Variants in GRK5 observed in about 807,000 individuals in gnomAD.
GRK5 encodes G protein-coupled receptor kinase 5.
In GRK5, 40 loss-of-function variants were observed where a neutral mutation model predicts 78.4. The observed-to-expected ratio is 0.51, with a 90% CI of 0.40 to 0.66. GRK5 has a LOEUF of 0.66. Among genes scored for constraint, GRK5 ranks in the 30% least tolerant of loss-of-function variants. GRK5 has a pLI of 0.00. For synonymous variants in GRK5, 289 were observed against 296.8 expected (o/e 0.97, Z 0.27); for missense variants, 598 against 759.9 (o/e 0.79, Z 2.50).
intron 1 of GRK5, among the ~76,000 whole-genome samples, chr10:119,316,147 C>T (rs1208632665): frequency 1.3e-5 from 2 of 152,178 alleles, no homozygotes; most frequent in Admixed American, 6.5e-5. Context: ...TGGCCCCAAC[C>T]CAGGGGCTTC....
At chr10:119,310,311 T>C (rs1722370474) in intron 1 of GRK5, among the ~76,000 whole-genome samples, 1 of 152,232 alleles carries the variant, frequency 6.6e-6, no homozygotes, top group South Asian at 2.1e-4. Flanking sequence ...GTGGCTGACC[T>C]ACGACTGCCA....
At chr10:119,296,439 A>G (rs1427451626) in intron 1 of GRK5, among the ~76,000 whole-genome samples, 2 of 152,206 alleles carry the variant, frequency 1.3e-5, no homozygotes, top group East Asian at 3.8e-4. Flanking sequence ...AGGGAGAGGA[A>G]CCACTGGCTG....
At chr10:119,260,983 C>G (rs1343130003) in intron 1 of GRK5, among the ~76,000 whole-genome samples, 9 of 144,558 alleles carry the variant, frequency 6.2e-5, no homozygotes, top group African/African-American at 2.0e-4. Flanking sequence ...TAGGGGCGGC[C>G]GGGCAGAGGC....
intron 1 of GRK5, among the ~76,000 whole-genome samples, chr10:119,280,333 C>G (rs1387670729): frequency 6.6e-6 from 1 of 152,228 alleles, no homozygotes; most frequent in African/African-American, 2.4e-5. Context: ...AGCCTGTGCA[C>G]TGTCACACTT....
At chr10:119,367,568 G>T (rs1851468772) in intron 2 of GRK5, among the ~76,000 whole-genome samples, 2 of 152,242 alleles carry the variant, frequency 1.3e-5, no homozygotes, top group Admixed American at 6.5e-5. Flanking sequence ...CTGTATCTAA[G>T]ACTCTAAGAG....
chr10:119,399,919 C>T (rs1480243514), intron 4 of GRK5, among the ~76,000 whole-genome samples: 2 of 152,184 alleles, frequency 1.3e-5, no homozygotes, highest in African/African-American at 4.8e-5. Context: ...TACCTTGTGG[C>T]CTTTGTTCAG....
chr10:119,394,711 G>A (rs1453155129), intron 3 of GRK5, among the ~76,000 whole-genome samples: 12 of 55,138 alleles, frequency 2.2e-4, no homozygotes, highest in African/African-American at 5.7e-4. Flanking sequence ...GTGTATCTGT[G>A]TGTGTGGGGG....
In GRK5 at chr10:119,459,285, A is replaced by C. The variant is rs943138289; in HGVS notation, c.*4218A>C. The stretch of plus-strand genomic sequence containing the variant: ...CAGCTGTTGAAGCTCAGCGTGTGCA[A>C]GTCAGACCCTGCACAGGCCGGGGGT... On this transcript the variant is annotated 3_prime_UTR_variant, in exon 16 of 16. Coordinates refer to ENST00000392870, the MANE Select transcript of GRK5 (RefSeq NM_005308.3). 3 of 152,216 alleles carry C rather than the reference A, an allele frequency of 2.0e-5. No individual in the cohort carries two copies. Among genetic ancestry groups the C allele is most frequent in the African/African-American group, 7.2e-5 (3 of 41,422 alleles). The allele number at this position is 152,216 out of a possible 1,614,324, so 9.4% of individuals were successfully genotyped here. A position where few individuals can be genotyped will look rare whatever the true frequency, so the allele number is the denominator to read the frequency against.
intron 1 of GRK5, among the ~76,000 whole-genome samples, chr10:119,244,246 A>T (rs1849070322): frequency 6.6e-6 from 1 of 152,294 alleles, no homozygotes. Flanking sequence ...CATCCCCTTG[A>T]TATAAACATG....
At chr10:119,350,734 CA>C (rs1458854244) in intron 2 of GRK5, among the ~76,000 whole-genome samples, 63 of 152,316 alleles carry the variant, frequency 4.1e-4, no homozygotes, top group Non-Finnish European at 2.9e-5. Context: ...CCCATTACAG[CA>C]AAAGCTGTTT....
chr10:119,257,488 C>T (rs10886433), intron 1 of GRK5, among the ~76,000 whole-genome samples: 16 of 152,228 alleles, frequency 1.1e-4, no homozygotes, highest in East Asian at 3.9e-4. Flanking sequence ...CTTTGGAAGG[C>T]GGAGGTGGGT....
intron 10 of GRK5, among the ~76,000 whole-genome samples, chr10:119,440,600 G>C (rs530024272): frequency 1.7e-4 from 26 of 150,866 alleles, no homozygotes; most frequent in African/African-American, 5.8e-4. Context: ...GCCCAGGCTG[G>C]AGTGCAGTGG....
intron 4 of GRK5, among the ~76,000 whole-genome samples, chr10:119,398,418 C>T (rs983327065): frequency 3.4e-5 from 5 of 149,090 alleles, no homozygotes; most frequent in Non-Finnish European, 5.9e-5. Context: ...ACGAGATTGC[C>T]CTATTTACAG....
At chr10:119,333,524 G>GGA (rs1850820490) in intron 2 of GRK5, 1 of 308,790 alleles carries the variant, frequency 3.2e-6, no homozygotes, top group Non-Finnish European at 6.4e-6. Flanking sequence ...GGCTTCAAGG[G>GGA]GAGAGTGACC....
In GRK5 at chr10:119,243,146, A is replaced by G. The variant is rs1044092236; in HGVS notation, c.52+35177A>G. ...CAACTACTCAGGAGGCTGAGACAGGAGAATTGCTTGAACCTGGGAGGTGGA... is the reference window on the plus strand; with the variant it reads ...CAACTACTCAGGAGGCTGAGACAGGGGAATTGCTTGAACCTGGGAGGTGGA... On this transcript the variant is annotated intron_variant, in intron 1 of 15. Transcript: ENST00000392870. Among the ~76,000 whole-genome samples, 74 of 152,306 alleles carry G rather than the reference A, an allele frequency of 4.9e-4. 1 individual carries two copies. Among genetic ancestry groups the G allele is most frequent in the Non-Finnish European group, 2.4e-4 (16 of 68,034 alleles).
intron 1 of GRK5, among the ~76,000 whole-genome samples, chr10:119,219,847 G>A (rs1935218999): frequency 6.6e-6 from 1 of 152,154 alleles, no homozygotes. Context: ...GTTTCATGCC[G>A]ATAACACTCA....
chr10:119,459,571 T>C lies in GRK5; in HGVS notation c.*4504T>C, dbSNP rs1386518142. The stretch of plus-strand genomic sequence containing the variant: ...GCTTTCTAATTTTTTTCAGGGAGAT[T>C]TGGACATTAATGAATGGAAACTTCC... On this transcript the variant is annotated 3_prime_UTR_variant, in exon 16 of 16. Coordinates refer to ENST00000392870, the MANE Select transcript of GRK5 (RefSeq NM_005308.3). 6.6e-6 allele frequency: 1 copy of C among 152,186 alleles called. No individual in the cohort carries two copies. Among genetic ancestry groups the C allele is most frequent in the Non-Finnish European group, 1.5e-5 (1 of 68,030 alleles). 9.4% of individuals were successfully genotyped at this position (152,186 alleles called of 1,614,324 possible).
intron 1 of GRK5, among the ~76,000 whole-genome samples, chr10:119,315,385 C>T (rs1035361834): frequency 2.0e-5 from 3 of 152,232 alleles, no homozygotes; most frequent in African/African-American, 7.2e-5. Context: ...TGAGAAGCCA[C>T]ATGCCCACCT....
chr10:119,207,954 C>T lies in GRK5; in HGVS notation c.37C>T (p.Leu13=). Residue 13 remains leucine, a synonymous_variant, in exon 1 of 16, where the codon CTG becomes TTG. Transcript: ENST00000392870. ...LENIVANTVL[L]KAREGGGGKR... is the part of the protein sequence containing the mutation. ...AAACATCGTGGCCAACACGGTCTTG[C>T]TGAAAGCCAGGGAAGGTAAGAGGCA... The T allele has an allele frequency of 1.2e-6, 2 of 1,604,938 alleles. No individual in the cohort carries two copies. Among genetic ancestry groups the T allele is most frequent in the Non-Finnish European group, 8.5e-7 (1 of 1,176,504 alleles).
Sources: gnomAD v4.1 joint callset for allele counts (sites outside exome capture counted in the v4.1 genomes callset) on GRCh38, gnomAD v4.1.1 for gene constraint, MANE v1.5 for transcripts, NCBI Gene and HGNC (gene_info 2026-07-23, HGNC 2026-07-21) for gene names.